Variants in ZAP70 observed in about 807,000 individuals in gnomAD.
ZAP70 encodes the protein tyrosine-protein kinase ZAP-70.
ZAP70 carries 27 observed loss-of-function variants against 65.8 expected under a neutral mutation model. The observed-to-expected ratio is 0.41, with a 90% CI of 0.30 to 0.57. ZAP70 has a LOEUF of 0.57. Ranked by LOEUF, ZAP70 falls within the 20% of genes least tolerant of loss-of-function variation. The probability of loss-of-function intolerance (pLI) is 0.28; values close to 1 mark genes in which losing one functional copy is unlikely to be tolerated. For synonymous variants in ZAP70, 363 were observed against 360.8 expected (o/e 1.01, Z -0.07); for missense variants, 696 against 870.5 (o/e 0.80, Z 2.52).
At chr2:97,724,499 G>T in intron 3 of ZAP70, 61 bp downstream of exon 3, 1 of 1,505,312 alleles carries the variant, frequency 6.6e-7, no homozygotes, top group Non-Finnish European at 8.9e-7. Flanking sequence ...GGCAGTCGAG[G>T]GTTTTGGGGG....
intron 4 of ZAP70, among the ~76,000 whole-genome samples, chr2:97,728,169 G>C (rs1241124282): frequency 6.6e-6 from 1 of 152,236 alleles, no homozygotes; most frequent in Non-Finnish European, 1.5e-5. Flanking sequence ...AGTCTGCTGA[G>C]ATTAGAGGAG....
At chr2:97,716,206 C>T (rs540177775) in intron 2 of ZAP70, among the ~76,000 whole-genome samples, 2 of 152,290 alleles carry the variant, frequency 1.3e-5, no homozygotes, top group Admixed American at 6.5e-5. Context: ...CCCTCCTCTC[C>T]CGCCATCCTC....
In ZAP70 at chr2:97,728,393, G is replaced by C. The variant is rs146960903; in HGVS notation, c.563+3141G>C. Among the ~76,000 whole-genome samples the C allele has an allele frequency of 1.0e-3, 159 of 152,366 alleles. 1 individual carries two copies. Among genetic ancestry groups the C allele is most frequent in the Middle Eastern group, 3.4e-3 (1 of 294 alleles). On this transcript the variant is annotated intron_variant, in intron 4 of 13. Transcript: ENST00000264972. The stretch of plus-strand genomic sequence containing the variant: ...TGGTATGAGGACAATGACTCATTCT[G>C]GGTAAACGTCAAGAGACGAAGCAGC...
rs773511622 is a variant in ZAP70 at position 97,725,263 on chromosome 2, C to T, written c.563+11C>T. ...CGACGGCAAGTTCCTGTATGTGGGG[C>T]CCGGGATTTGGGTGCGGTGAGGATT... On this transcript the variant is annotated intron_variant, in intron 4 of 13. Transcript: ENST00000264972. The T allele has an allele frequency of 1.2e-6, 2 of 1,611,582 alleles. No individual in the cohort carries two copies. The highest frequency in any genetic ancestry group is 3.3e-5 in the Admixed American group (2 of 59,986).
chr2:97,755,500 TAGC>T, the ZAP70 span, among the ~76,000 whole-genome samples: 1 of 152,326 alleles, frequency 6.6e-6, no homozygotes, highest in African/African-American at 2.4e-5. Flanking sequence ...ATAGCTGTAT[TAGC>T]AGGTAAACTG....
intron 4 of ZAP70, among the ~76,000 whole-genome samples, chr2:97,729,032 C>T (rs542551586): frequency 1.3e-5 from 2 of 152,320 alleles, no homozygotes; most frequent in African/African-American, 4.8e-5. Flanking sequence ...GGATCACAGG[C>T]GTGAGCCACC....
chr2:97,725,726 G>T (rs188812060), intron 4 of ZAP70, among the ~76,000 whole-genome samples: 2 of 152,182 alleles, frequency 1.3e-5, no homozygotes, highest in African/African-American at 4.8e-5. Context: ...GTGGGGAGGC[G>T]GTTGCAATTT....
the ZAP70 span, among the ~76,000 whole-genome samples, chr2:97,752,943 A>C: frequency 6.6e-6 from 1 of 152,224 alleles, no homozygotes; most frequent in African/African-American, 2.4e-5. Context: ...AGGCTACTCA[A>C]AGGCATCTCT....
At chr2:97,753,758 G>A in the ZAP70 span, among the ~76,000 whole-genome samples, 3 of 152,098 alleles carry the variant, frequency 2.0e-5, no homozygotes, top group African/African-American at 7.2e-5. Flanking sequence ...GATCGCTTGC[G>A]CTCAGGAGTT....
chr2:97,750,219 C>T, the ZAP70 span, among the ~76,000 whole-genome samples: 4 of 152,220 alleles, frequency 2.6e-5, no homozygotes, highest in Non-Finnish European at 4.4e-5. Context: ...CGCCCTTCCC[C>T]GCAGTGCAGC....
At chr2:97,748,639 C>T in the ZAP70 span, among the ~76,000 whole-genome samples, 2 of 152,156 alleles carry the variant, frequency 1.3e-5, no homozygotes, top group African/African-American at 2.4e-5. Context: ...GGGTTCTGGG[C>T]CATCCCCTCA....
At chr2:97,720,435 C>T (rs1677114641) in intron 2 of ZAP70, among the ~76,000 whole-genome samples, 1 of 151,898 alleles carries the variant, frequency 6.6e-6, no homozygotes, top group Non-Finnish European at 1.5e-5. Context: ...TCACCATGTT[C>T]GCCAGGCTAG....
intron 2 of ZAP70, among the ~76,000 whole-genome samples, chr2:97,719,190 C>T (rs949501374): frequency 2.6e-5 from 4 of 152,054 alleles, no homozygotes; most frequent in African/African-American, 7.2e-5. Flanking sequence ...CCATCTGGAT[C>T]TTAGGTTGGT....
chr2:97,724,418 C>A lies in ZAP70; in HGVS notation c.382C>A (p.Arg128Ser). Residue 128 changes from arginine to serine, a missense_variant, in exon 3 of 14, where the codon CGC (arginine) becomes AGC (serine). Physicochemically the swap from Arg to Ser is moderately radical, Grantham distance 110. Around this residue, in one of 3 missense-constraint regions of ZAP70, gnomAD observed 551 missense variants for 630.0 expected, o/e 0.87. Transcript: ENST00000264972. ...AGACGCCATGGTGCGTGACTACGTG[C>A]GCCAGACGTGGAAGCTGGAGGTGAG... ...LRDAMVRDYV[R>S]QTWKLEGEAL... 6.5e-7 allele frequency: 1 copy of A among 1,537,350 alleles called. No homozygotes were observed. Among genetic ancestry groups the A allele is most frequent in the Non-Finnish European group, 8.7e-7 (1 of 1,143,216 alleles).
At position 97,724,157 on chromosome 2, in the gene ZAP70, C is replaced by G; in HGVS notation, c.121C>G (p.Arg41Gly). ...DGLFLLRQCL[R>G]SLGGYVLSLV... ...GCTCTTCCTGCTGCGCCAGTGCCTG[C>G]GCTCGCTGGGCGGCTATGTGCTGTC... The change falls in exon 3 of 14, where the codon CGC (arginine) becomes GGC (glycine). Residue 41 changes from arginine to glycine, a missense_variant. Arg to Gly is a moderately radical substitution (Grantham distance 125, BLOSUM62 -2). Transcript: ENST00000264972. 1 of 1,579,580 alleles carries G rather than the reference C, an allele frequency of 6.3e-7. No homozygotes were observed. The highest frequency in any genetic ancestry group is 8.6e-7 in the Non-Finnish European group (1 of 1,163,976).
Position 97,737,577 on chromosome 2 carries a change from G to A in ZAP70, c.1394G>A (p.Arg465His), listed in dbSNP as rs137853201. The stretch of plus-strand genomic sequence containing the variant: ...TTTGTGCACCGTGACCTGGCGGCCC[G>A]CAACGTCCTGCTGGTTAACCGGCAC... ...KNFVHRDLAA[R>H]NVLLVNRHYA... The change falls in exon 11 of 14, where the codon CGC becomes CAC. Residue 465 changes from arginine to histidine, a missense_variant. By Grantham distance (29) the Arg-to-His change is conservative. Around this residue, in one of 3 missense-constraint regions of ZAP70, gnomAD observed 67 missense variants for 151.9 expected, o/e 0.44. Coordinates refer to ENST00000264972, the MANE Select transcript of ZAP70 (RefSeq NM_001079.4). The surrounding 1 kb of genome is among the most constrained non-coding windows in gnomAD (Gnocchi z 5.0). The A allele has an allele frequency of 1.9e-6, 3 of 1,614,114 alleles. No individual in the cohort carries two copies. The highest frequency in any genetic ancestry group is 1.7e-6 in the Non-Finnish European group (2 of 1,179,992).
intron 2 of ZAP70, among the ~76,000 whole-genome samples, chr2:97,718,154 T>TG (rs1341935776): frequency 1.3e-5 from 2 of 152,064 alleles, no homozygotes; most frequent in African/African-American, 4.8e-5. Context: ...TCCGTCGGGA[T>TG]GGCCCAGGCA....
At chr2:97,723,673 G>A (rs1248695163) in intron 2 of ZAP70, among the ~76,000 whole-genome samples, 1 of 152,198 alleles carries the variant, frequency 6.6e-6, no homozygotes, top group Non-Finnish European at 1.5e-5. Context: ...TGCCTCAAGC[G>A]TGCATATCCC....
chr2:97,719,401 T>G, intron 2 of ZAP70, among the ~76,000 whole-genome samples: 1 of 148,806 alleles, frequency 6.7e-6, no homozygotes, highest in Admixed American at 6.7e-5. Flanking sequence ...AGCCAGGGAG[T>G]TTGTGAAGGA....
Sources: gnomAD v4.1 joint callset for allele counts (sites outside exome capture counted in the v4.1 genomes callset) on GRCh38, gnomAD v4.1.1 for gene constraint, gnomAD v4.1.1 regional missense constraint, Gnocchi (gnomAD v3.1) non-coding constraint, MANE v1.5 for transcripts, NCBI Gene and HGNC (gene_info 2026-07-23, HGNC 2026-07-21) for gene names.